Variants in ZNF385D observed in about 807,000 individuals in gnomAD.
The protein encoded by ZNF385D is zinc finger protein 659.
ZNF385D carries 15 observed loss-of-function variants against 35.8 expected under a neutral mutation model. The ratio of observed to expected loss-of-function variants is 0.42; its 90% confidence interval spans 0.28 to 0.64. The LOEUF (loss-of-function observed/expected upper bound fraction) is 0.64, where lower values mean the gene tolerates loss of function less well. Ranked by LOEUF, ZNF385D falls within the 30% of genes least tolerant of loss-of-function variation. The pLI is 0.23. For synonymous variants in ZNF385D, 212 were observed against 186.8 expected (o/e 1.13, Z -1.10); for missense variants, 474 against 494.6 (o/e 0.96, Z 0.39).
intron 3 of ZNF385D, among the ~76,000 whole-genome samples, chr3:21,816,700 G>C (rs953292063): frequency 6.6e-6 from 1 of 152,126 alleles, no homozygotes; most frequent in African/African-American, 2.4e-5. Context: ...CAAAAAAATG[G>C]AAGAACATTC....
intron 2 of ZNF385D, among the ~76,000 whole-genome samples, chr3:21,569,031 A>G (rs1301644521): frequency 6.6e-6 from 1 of 152,114 alleles, no homozygotes; most frequent in East Asian, 1.9e-4. Context: ...AAAAAAATGT[A>G]TATTCTGTTG....
intron 3 of ZNF385D, among the ~76,000 whole-genome samples, chr3:22,156,542 A>G (rs1431909104): frequency 6.6e-6 from 1 of 152,108 alleles, no homozygotes; most frequent in Admixed American, 6.6e-5. Flanking sequence ...ATCGCTGAAA[A>G]TATAACAAGA....
At chr3:21,731,982 G>T (rs1297839079) in intron 1 of ZNF385D, among the ~76,000 whole-genome samples, 1 of 140,032 alleles carries the variant, frequency 7.1e-6, no homozygotes, top group African/African-American at 2.7e-5. Context: ...TCCAAGTTTT[G>T]GCACTTATGA....
chr3:22,108,009 T>C (rs529660799), intron 3 of ZNF385D, among the ~76,000 whole-genome samples: 1 of 151,832 alleles, frequency 6.6e-6, no homozygotes, highest in East Asian at 1.9e-4. Flanking sequence ...TTCTGCCTTA[T>C]ACCATGTGAC....
At chr3:22,278,054 C>T (rs1303209462) in intron 2 of ZNF385D, among the ~76,000 whole-genome samples, 2 of 152,078 alleles carry the variant, frequency 1.3e-5, no homozygotes, top group Non-Finnish European at 2.9e-5. Context: ...CACTGCACTT[C>T]TTAGATTTTG....
intron 4 of ZNF385D, among the ~76,000 whole-genome samples, chr3:21,508,412 A>G (rs1048851725): frequency 6.6e-6 from 1 of 152,300 alleles, no homozygotes; most frequent in Middle Eastern, 3.4e-3. Flanking sequence ...TCTGAGTCAC[A>G]TAACATGTTT....
intron 3 of ZNF385D, among the ~76,000 whole-genome samples, chr3:21,861,773 A>G (rs143721469): frequency 1.2e-3 from 178 of 152,228 alleles, no homozygotes; most frequent in African/African-American, 4.0e-3. Flanking sequence ...GTCTTACCCA[A>G]TCAGGGCAAT....
chr3:22,129,880 A>G (rs905213449), intron 3 of ZNF385D, among the ~76,000 whole-genome samples: 4 of 152,062 alleles, frequency 2.6e-5, no homozygotes, highest in Non-Finnish European at 5.9e-5. Flanking sequence ...CTCAAACAGA[A>G]GGAGTCTCTT....
At position 21,615,793 on chromosome 3, in the gene ZNF385D, A is replaced by AGTGT. The variant is rs144521609; in HGVS notation, c.165+49089_165+49092dup. Among the ~76,000 whole-genome samples the AGTGT allele has an allele frequency of 8.3e-3, 1,211 of 145,352 alleles. 20 individuals are homozygous for AGTGT. The highest frequency in any genetic ancestry group is 0.029 in the African/African-American group (1,109 of 38,838). On this transcript the variant is annotated intron_variant, in intron 2 of 7. Transcript: ENST00000281523. ...ATGACTGCAAAGAAAATGGAGAAAG[A>AGTGT]GTGTGTGTGTGTGTGTGTGTGTGTT...
intron 2 of ZNF385D, among the ~76,000 whole-genome samples, chr3:22,302,990 A>C (rs999816757): frequency 7.9e-5 from 12 of 152,116 alleles, no homozygotes; most frequent in African/African-American, 2.7e-4. Flanking sequence ...CTAATTTTCT[A>C]ATTTCAAAAT....
intron 3 of ZNF385D, among the ~76,000 whole-genome samples, chr3:21,928,916 C>A (rs1700874505): frequency 6.6e-6 from 1 of 152,018 alleles, no homozygotes; most frequent in African/African-American, 2.4e-5. Context: ...GAAATAATAC[C>A]AATCCTATGC....
chr3:21,754,243 G>A (rs2070238011), upstream of ZNF385D, among the ~76,000 whole-genome samples: 2 of 152,122 alleles, frequency 1.3e-5, no homozygotes, highest in African/African-American at 4.8e-5. Context: ...TTGTGAACAT[G>A]CCAGCTGTGC....
Position 21,917,146 on chromosome 3 carries a change from G to T in ZNF385D, c.325+251671C>A, listed in dbSNP as rs1700228217. Among the ~76,000 whole-genome samples the T allele has an allele frequency of 3.9e-5, 6 of 152,176 alleles. No individual in the cohort carries two copies. The South Asian group carries it at 1.2e-3, about 31-fold the overall frequency. Reference sequence around the variant, plus strand: ...ATTTTGGAGAAACAAAATCGTGGAAGTCTGGCCTGGTGCGGTGGCTCATGG... The same window carrying T: ...ATTTTGGAGAAACAAAATCGTGGAATTCTGGCCTGGTGCGGTGGCTCATGG... On this transcript the variant is annotated intron_variant, in intron 3 of 5. Coordinates refer to the ZNF385D transcript ENST00000494108.
At chr3:21,885,810 A>G (rs1018478324) in intron 3 of ZNF385D, among the ~76,000 whole-genome samples, 2 of 151,420 alleles carry the variant, frequency 1.3e-5, no homozygotes, top group Admixed American at 6.6e-5. Context: ...ATTTAAAGAA[A>G]TTGGCTCACA....
intron 3 of ZNF385D, among the ~76,000 whole-genome samples, chr3:21,864,497 T>C (rs1697226628): frequency 6.6e-6 from 1 of 152,102 alleles, no homozygotes; most frequent in Non-Finnish European, 1.5e-5. Context: ...CTCTTTTAAA[T>C]TATGGACAGA....
At chr3:21,435,655 C>T (rs1038044069) in intron 5 of ZNF385D, among the ~76,000 whole-genome samples, 2 of 152,164 alleles carry the variant, frequency 1.3e-5, no homozygotes, top group Non-Finnish European at 2.9e-5. Flanking sequence ...TTCTCAGTCA[C>T]TATGCGGAAT....
At chr3:21,567,648 C>G (rs147505920) in intron 2 of ZNF385D, among the ~76,000 whole-genome samples, 237 of 152,192 alleles carry the variant, frequency 1.6e-3, no homozygotes, top group African/African-American at 5.5e-3. Context: ...ACATTCTGTG[C>G]ACAAACGGGA....
chr3:21,624,403 C>T (rs2065082160), intron 2 of ZNF385D, among the ~76,000 whole-genome samples: 1 of 151,912 alleles, frequency 6.6e-6, no homozygotes, highest in Non-Finnish European at 1.5e-5. Context: ...CCCCATAAAG[C>T]ACTGCAATAA....
intron 3 of ZNF385D, among the ~76,000 whole-genome samples, chr3:21,949,946 T>C (rs149004043): frequency 0.26 from 39,406 of 152,024 alleles, 5,808 homozygotes; most frequent in Admixed American, 0.41. Flanking sequence ...TTTCTTTATC[T>C]AGTTTATCAT....
Sources: allele counts gnomAD v4.1 joint callset (sites outside exome capture counted in the v4.1 genomes callset), GRCh38; gene constraint gnomAD v4.1.1; transcripts MANE v1.5; gene names NCBI Gene and HGNC (gene_info 2026-07-23, HGNC 2026-07-21).